Variants in R3HDM1 observed in about 807,000 individuals in gnomAD.
R3HDM1 encodes the protein R3H domain containing 1.
In R3HDM1, 46 loss-of-function variants were observed where a neutral mutation model predicts 141.1. The ratio of observed to expected loss-of-function variants is 0.33; its 90% CI spans 0.26 to 0.42. The LOEUF (loss-of-function observed/expected upper bound fraction) is 0.42, where lower values mean the gene tolerates loss of function less well. Among genes scored for constraint, R3HDM1 ranks in the 10% least tolerant of loss-of-function variants. The probability of loss-of-function intolerance (pLI) is 1.00; values close to 1 mark genes in which losing one functional copy is unlikely to be tolerated. For synonymous variants in R3HDM1, 435 were observed against 472.9 expected, an observed-to-expected ratio of 0.92 and a Z score of 1.04; for missense variants, 1,184 against 1,368.3, an observed-to-expected ratio of 0.87 and a Z score of 2.12.
chr2:135,719,343 T>C (rs1285122139), intron 24 of R3HDM1, among the ~76,000 whole-genome samples: 1 of 151,764 alleles, frequency 6.6e-6, no homozygotes, highest in Non-Finnish European at 1.5e-5. Flanking sequence ...CTGGACATGG[T>C]GGTGGGCACC....
intron 20 of R3HDM1, among the ~76,000 whole-genome samples, chr2:135,676,778 T>C (rs1384565675): frequency 6.6e-6 from 1 of 152,160 alleles, no homozygotes; most frequent in African/African-American, 2.4e-5. Context: ...GCCACTGCAT[T>C]CCGGGCTAGG....
intron 19 of R3HDM1, among the ~76,000 whole-genome samples, chr2:135,663,161 C>T (rs1355970086): frequency 6.9e-6 from 1 of 144,148 alleles, no homozygotes; most frequent in Non-Finnish European, 1.5e-5. Context: ...AAAAATATGA[C>T]ACTTAATAGA....
intron 1 of R3HDM1, among the ~76,000 whole-genome samples, chr2:135,562,459 A>G (rs1701972683): frequency 6.6e-6 from 1 of 152,090 alleles, no homozygotes; most frequent in African/African-American, 2.4e-5. Context: ...GTCGCTTATT[A>G]TTTTTTTCTA....
intron 1 of R3HDM1, among the ~76,000 whole-genome samples, chr2:135,567,249 G>A (rs922052351): frequency 5.9e-5 from 9 of 152,062 alleles, no homozygotes; most frequent in African/African-American, 2.2e-4. Context: ...TATACATTTG[G>A]TCCAGTTAGA....
chr2:135,636,109 G>A lies in R3HDM1; in HGVS notation c.829G>A (p.Asp277Asn), dbSNP rs1452072097. 6.2e-7 allele frequency: 1 copy of A among 1,612,602 alleles called. No individual in the cohort carries two copies. Among genetic ancestry groups the A allele is most frequent in the African/African-American group, 1.3e-5 (1 of 74,846 alleles). ...DNQMRIRLKD[D>N]RRSKSIEERE... Reference sequence around the variant, plus strand: ...GTAGATGAGAATACGTTTGAAAGATGACAGAAGAAGCAAATCTATAGAAGA... The same window carrying A: ...GTAGATGAGAATACGTTTGAAAGATAACAGAAGAAGCAAATCTATAGAAGA... The change falls in exon 11 of 27, where the codon GAC (aspartate) becomes AAC (asparagine). Residue 277 changes from aspartate to asparagine, a missense_variant. Coordinates refer to ENST00000683871, the MANE Select transcript of R3HDM1 (RefSeq NM_001378107.1).
chr2:135,602,154 T>G (rs1424810921), intron 1 of R3HDM1, among the ~76,000 whole-genome samples: 1 of 152,172 alleles, frequency 6.6e-6, no homozygotes, highest in Non-Finnish European at 1.5e-5. Flanking sequence ...ATGATGGTTC[T>G]TGGAGTTAAA....
At chr2:135,587,353 A>AT (rs112243451) in intron 1 of R3HDM1, among the ~76,000 whole-genome samples, 6,213 of 152,230 alleles carry the variant, frequency 0.041, 139 homozygotes, top group African/African-American at 0.052. Context: ...TGGAATTGTT[A>AT]TGATATGAAT....
chr2:135,712,030 T>C (rs1204910694), intron 23 of R3HDM1, among the ~76,000 whole-genome samples: 1 of 150,234 alleles, frequency 6.7e-6, no homozygotes, highest in Non-Finnish European at 1.5e-5. Flanking sequence ...CTGAAATATT[T>C]ACAAGTAAAA....
chr2:135,616,295 AT>A, intron 4 of R3HDM1, 102 bp downstream of exon 4: 1 of 1,185,026 alleles, frequency 8.4e-7, no homozygotes, highest in Non-Finnish European at 1.2e-6. Flanking sequence ...GTTCTTCCAT[AT>A]TTTATGGGGG....
chr2:135,650,434 CTAAGTA>C, intron 17 of R3HDM1: 1 of 983,482 alleles, frequency 1.0e-6, no homozygotes, highest in Non-Finnish European at 1.2e-6. Flanking sequence ...CAGAGGACTT[CTAAGTA>C]TATTTTCTAA....
intron 21 of R3HDM1, among the ~76,000 whole-genome samples, chr2:135,699,530 A>G (rs755687258): frequency 6.6e-6 from 1 of 152,212 alleles, no homozygotes; most frequent in Non-Finnish European, 1.5e-5. Context: ...GGATACAGAT[A>G]TGGGTAGATG....
intron 21 of R3HDM1, among the ~76,000 whole-genome samples, chr2:135,697,946 A>G (rs1381469578): frequency 6.6e-6 from 1 of 150,980 alleles, no homozygotes; most frequent in African/African-American, 2.4e-5. Flanking sequence ...CCAGCTACTC[A>G]GGAGGCTGAC....
At chr2:135,671,531 G>A (rs2068345771) in intron 19 of R3HDM1, among the ~76,000 whole-genome samples, 1 of 151,670 alleles carries the variant, frequency 6.6e-6, no homozygotes, top group Non-Finnish European at 1.5e-5. Flanking sequence ...CACCACGCCT[G>A]GCTAATTTTG....
intron 1 of R3HDM1, among the ~76,000 whole-genome samples, chr2:135,534,776 A>C (rs1041989673): frequency 6.6e-6 from 1 of 152,238 alleles, no homozygotes; most frequent in African/African-American, 2.4e-5. Flanking sequence ...AGCTTTGTCA[A>C]ATATTATGCA....
chr2:135,593,499 C>G (rs1175641575), intron 1 of R3HDM1, among the ~76,000 whole-genome samples: 1 of 152,166 alleles, frequency 6.6e-6, no homozygotes, highest in Non-Finnish European at 1.5e-5. Flanking sequence ...TAGAATCTCA[C>G]CAGGTTATCC....
chr2:135,664,607 A>G (rs1282450442), intron 19 of R3HDM1, among the ~76,000 whole-genome samples: 30 of 152,328 alleles, frequency 2.0e-4, no homozygotes, highest in Non-Finnish European at 1.5e-5. Flanking sequence ...GAGGATGGGG[A>G]AATATCTCAA....
chr2:135,721,351 G>A (rs1354846347), intron 24 of R3HDM1, among the ~76,000 whole-genome samples: 2 of 152,146 alleles, frequency 1.3e-5, no homozygotes, highest in African/African-American at 4.8e-5. Context: ...GTTTGTGCTT[G>A]TAGTCCCAGC....
At chr2:135,681,794 C>G (rs2070356021) in intron 21 of R3HDM1, among the ~76,000 whole-genome samples, 2 of 152,000 alleles carry the variant, frequency 1.3e-5, no homozygotes, top group African/African-American at 4.8e-5. Flanking sequence ...TGAAAAACAG[C>G]TTTAAATACC....
intron 25 of R3HDM1, 139 bp downstream of exon 25, chr2:135,722,145 A>G (rs1026607684): frequency 2.5e-6 from 2 of 798,102 alleles, no homozygotes; most frequent in Admixed American, 4.8e-5. Context: ...TACACAGATT[A>G]TCACTGGCTC....
Sources: gnomAD v4.1 joint callset for allele counts (sites outside exome capture counted in the v4.1 genomes callset) on GRCh38, gnomAD v4.1.1 for gene constraint, MANE v1.5 for transcripts, NCBI Gene and HGNC (gene_info 2026-07-23, HGNC 2026-07-21) for gene names.